Variants in XKR9 observed in about 807,000 individuals in gnomAD.
XKR9 encodes XK related 9.
A neutral mutation model predicts 32.0 loss-of-function variants in XKR9; 32 were observed. The ratio of observed to expected loss-of-function variants is 1.00; its 90% CI spans 0.76 to 1.34. XKR9 has a LOEUF of 1.34. Among genes scored for constraint, XKR9 ranks in the 40% most tolerant of loss-of-function variants. The probability of loss-of-function intolerance (pLI) is 0.00; values close to 1 mark genes in which losing one functional copy is unlikely to be tolerated. For synonymous variants in XKR9, 168 were observed against 143.4 expected, an observed-to-expected ratio of 1.17 and a Z score of -1.22; for missense variants, 546 against 429.7, an observed-to-expected ratio of 1.27 and a Z score of -2.39.
chr8:70,802,220 G>C, the XKR9 span, among the ~76,000 whole-genome samples: 11 of 152,220 alleles, frequency 7.2e-5, no homozygotes, highest in South Asian at 2.3e-3. Context: ...ACAGGCGTGA[G>C]CCACCGCGCC....
At chr8:71,063,964 C>G in the XKR9 span, among the ~76,000 whole-genome samples, 1 of 152,156 alleles carries the variant, frequency 6.6e-6, no homozygotes, top group Non-Finnish European at 1.5e-5. Flanking sequence ...GTATCTTTTA[C>G]CTTGTGTCTT....
chr8:70,852,911 TG>T, the XKR9 span, among the ~76,000 whole-genome samples: 2 of 143,032 alleles, frequency 1.4e-5, no homozygotes, highest in Admixed American at 1.4e-4. Flanking sequence ...GATGACGGGT[TG>T]ATGGGTGCAG....
At chr8:71,040,521 C>T in the XKR9 span, among the ~76,000 whole-genome samples, 20 of 152,282 alleles carry the variant, frequency 1.3e-4, no homozygotes, top group Non-Finnish European at 2.2e-4. Flanking sequence ...AGCCCAAAGG[C>T]TCTTCTAGAG....
At chr8:70,977,699 A>C in the XKR9 span, among the ~76,000 whole-genome samples, 1 of 152,166 alleles carries the variant, frequency 6.6e-6, no homozygotes, top group African/African-American at 2.4e-5. Context: ...TGCTAAGAAG[A>C]ATGTATATTC....
At chr8:70,767,385 G>A (rs1274028137) in intron 2 of XKR9, among the ~76,000 whole-genome samples, 3 of 151,788 alleles carry the variant, frequency 2.0e-5, no homozygotes, top group South Asian at 2.1e-4. Flanking sequence ...ATTTATTTGC[G>A]TAGAGGTGTT....
the XKR9 span, among the ~76,000 whole-genome samples, chr8:71,005,225 C>CTTTTT: frequency 7.7e-6 from 1 of 130,344 alleles, no homozygotes; most frequent in African/African-American, 2.9e-5. Context: ...TTTTCTTTTT[C>CTTTTT]TTTTTTTTTT....
At chr8:70,799,953 A>C in the XKR9 span, among the ~76,000 whole-genome samples, 8 of 152,204 alleles carry the variant, frequency 5.3e-5, no homozygotes, top group East Asian at 1.5e-3. Flanking sequence ...TTTCAAGGAG[A>C]ATGTTTCCAG....
downstream of XKR9, among the ~76,000 whole-genome samples, chr8:70,737,003 A>G (rs1406865244): frequency 1.6e-4 from 25 of 152,340 alleles, no homozygotes; most frequent in Admixed American, 1.6e-3. Context: ...AATTCTGTGA[A>G]GAAAGTCATT....
intron 2 of XKR9, among the ~76,000 whole-genome samples, chr8:70,783,061 G>T (rs567520235): frequency 6.6e-6 from 1 of 151,868 alleles, no homozygotes; most frequent in Admixed American, 6.6e-5. Context: ...AACCACCAAG[G>T]GTTCCCTTTT....
At chr8:70,783,595 A>G (rs183953085) in intron 2 of XKR9, among the ~76,000 whole-genome samples, 1 of 152,082 alleles carries the variant, frequency 6.6e-6, no homozygotes, top group East Asian at 1.9e-4. Flanking sequence ...CTCCTTGTAT[A>G]TTTTGGATAT....
At chr8:71,064,812 A>G in the XKR9 span, among the ~76,000 whole-genome samples, 9 of 152,032 alleles carry the variant, frequency 5.9e-5, no homozygotes, top group East Asian at 1.7e-3. Flanking sequence ...AAGAATTGCA[A>G]TATTAGACTT....
chr8:70,730,489 A>T (rs1166830145), intron 4 of XKR9, among the ~76,000 whole-genome samples: 3 of 152,176 alleles, frequency 2.0e-5, no homozygotes, highest in African/African-American at 7.2e-5. Flanking sequence ...ATTCTACCAC[A>T]GGTAATTTTC....
chr8:70,934,479 G>A, the XKR9 span, among the ~76,000 whole-genome samples: 1 of 151,934 alleles, frequency 6.6e-6, no homozygotes, highest in South Asian at 2.1e-4. Context: ...TTTTATTTTT[G>A]TAAAGCAAAA....
chr8:70,967,018 C>T, the XKR9 span, among the ~76,000 whole-genome samples: 1 of 150,150 alleles, frequency 6.7e-6, no homozygotes, highest in African/African-American at 2.5e-5. Context: ...TGTGTCTTTG[C>T]ACATGAGATG....
the XKR9 span, among the ~76,000 whole-genome samples, chr8:70,804,925 G>T: frequency 6.6e-6 from 1 of 152,150 alleles, no homozygotes; most frequent in African/African-American, 2.4e-5. Flanking sequence ...TGACCCTGGG[G>T]TCCCTGATTC....
At chr8:70,810,385 A>T in the XKR9 span, among the ~76,000 whole-genome samples, 2 of 152,204 alleles carry the variant, frequency 1.3e-5, no homozygotes, top group African/African-American at 4.8e-5. Context: ...GCATCAACTA[A>T]CTAGCAAAAT....
chr8:70,753,695 G>T (rs1161830295), intron 2 of XKR9, among the ~76,000 whole-genome samples: 1 of 151,836 alleles, frequency 6.6e-6, no homozygotes, highest in Admixed American at 6.6e-5. Flanking sequence ...TGCAGAAAAG[G>T]CCTTTGACAA....
At chr8:70,916,395 T>C in the XKR9 span, among the ~76,000 whole-genome samples, 1 of 152,228 alleles carries the variant, frequency 6.6e-6, no homozygotes, top group Non-Finnish European at 1.5e-5. Context: ...TACAGTGCCA[T>C]CTTTGACAAA....
the XKR9 span, among the ~76,000 whole-genome samples, chr8:70,921,244 T>C: frequency 6.6e-6 from 1 of 152,222 alleles, no homozygotes; most frequent in Non-Finnish European, 1.5e-5. Context: ...GAGGCTGCTA[T>C]ACTGGGGCCC....
Sources: gnomAD v4.1 joint callset for allele counts (sites outside exome capture counted in the v4.1 genomes callset) on GRCh38, gnomAD v4.1.1 for gene constraint, MANE v1.5 for transcripts, NCBI Gene and HGNC (gene_info 2026-07-23, HGNC 2026-07-21) for gene names.